SNX29: variants seen among roughly 807,000 people sequenced by gnomAD.
The protein encoded by SNX29 is sorting nexin 29.
Under a neutral mutation model 102.1 loss-of-function variants are expected in SNX29, and 78 were observed. The ratio of observed to expected loss-of-function variants is 0.76; its 90% CI spans 0.64 to 0.92. The LOEUF (loss-of-function observed/expected upper bound fraction) is 0.92. SNX29 is among the 40% of genes least tolerant of loss of function. SNX29 has a pLI of 0.00. For synonymous variants in SNX29, 580 were observed against 414.5 expected (o/e 1.40, Z -4.85); for missense variants, 1,280 against 1,061.7 (o/e 1.21, Z -2.86).
chr16:12,171,386 A>C (rs1306153533), intron 13 of SNX29, among the ~76,000 whole-genome samples: 18 of 152,086 alleles, frequency 1.2e-4, no homozygotes, highest in Non-Finnish European at 2.6e-4. Flanking sequence ...GATCATCCTG[A>C]GTCAGATAGC....
intron 18 of SNX29, chr16:12,442,898 C>T: frequency 2.4e-6 from 1 of 416,116 alleles, no homozygotes; most frequent in East Asian, 7.2e-5. Context: ...TGGCTGTGTT[C>T]AAAAAAAACT....
intron 18 of SNX29, among the ~76,000 whole-genome samples, chr16:12,440,800 A>G (rs2085765705): frequency 1.3e-5 from 2 of 152,306 alleles, no homozygotes; most frequent in South Asian, 4.1e-4. Flanking sequence ...ATAGTATTCC[A>G]TGGTGTATAT....
In SNX29 at chr16:12,125,605, C is replaced by CTTTTT. The variant is rs36212472; in HGVS notation, c.1403-996_1403-992dup. On this transcript the variant is annotated intron_variant, in intron 11 of 20. Transcript: ENST00000566228. ...AGGGGGGCTTGTGGCTGAGATCTCT[C>CTTTTT]TTTTTTTTTTTTTTTTTTTTTTTTT... is the stretch of plus-strand genomic sequence containing the variant. Among the ~76,000 whole-genome samples, 4 of 45,404 alleles carry CTTTTT rather than the reference C, an allele frequency of 8.8e-5. 1 individual carries two copies. The highest frequency in any genetic ancestry group is 7.7e-4 in the East Asian group (1 of 1,304). 29.8% of individuals were successfully genotyped at this position (45,404 alleles called of 152,430 possible).
intron 5 of SNX29, among the ~76,000 whole-genome samples, chr16:12,043,564 C>T (rs1309510009): frequency 2.6e-5 from 4 of 151,866 alleles, no homozygotes; most frequent in Non-Finnish European, 5.9e-5. Context: ...AGTGTGTTGC[C>T]CAGGCTGGTC....
chr16:12,136,889 G>A (rs556016354), intron 13 of SNX29, among the ~76,000 whole-genome samples: 5 of 152,178 alleles, frequency 3.3e-5, no homozygotes, highest in South Asian at 4.1e-4. Context: ...ACAGGTGCCC[G>A]CCATCACGCC....
intron 11 of SNX29, 37 bp downstream of exon 11, chr16:12,078,952 A>T: frequency 6.5e-7 from 1 of 1,547,352 alleles, no homozygotes; most frequent in Non-Finnish European, 8.8e-7. Context: ...CAGCTCTGGG[A>T]TGACTTCTGG....
intron 1 of SNX29, among the ~76,000 whole-genome samples, chr16:11,981,411 A>G (rs1048349963): frequency 1.4e-5 from 2 of 144,226 alleles, no homozygotes; most frequent in South Asian, 2.4e-4. Context: ...GGCTCTTTTC[A>G]CTTTCTTGGT....
chr16:12,559,322 C>CA (rs2078575666), intron 20 of SNX29, among the ~76,000 whole-genome samples: 1 of 151,832 alleles, frequency 6.6e-6, no homozygotes, highest in African/African-American at 2.4e-5. Context: ...GTGAACTGCC[C>CA]ATGTGAGGGA....
At chr16:12,215,001 T>C (rs1306215293) in intron 14 of SNX29, among the ~76,000 whole-genome samples, 1 of 152,212 alleles carries the variant, frequency 6.6e-6, no homozygotes, top group African/African-American at 2.4e-5. Flanking sequence ...AAACAGTGCC[T>C]GGTCCCTGGT....
chr16:12,026,423 G>A (rs1028101717), intron 3 of SNX29, among the ~76,000 whole-genome samples: 1 of 152,170 alleles, frequency 6.6e-6, no homozygotes, highest in Non-Finnish European at 1.5e-5. Context: ...CTAGAACAGT[G>A]CCTGGCATGT....
intron 14 of SNX29, among the ~76,000 whole-genome samples, chr16:12,239,202 T>C (rs1186851986): frequency 6.6e-6 from 1 of 152,164 alleles, no homozygotes; most frequent in Non-Finnish European, 1.5e-5. Flanking sequence ...CTGTCCTGGT[T>C]GTAGAGGTAG....
intron 1 of SNX29, among the ~76,000 whole-genome samples, chr16:11,995,928 T>C (rs1311493331): frequency 6.6e-6 from 1 of 151,898 alleles, no homozygotes; most frequent in Non-Finnish European, 1.5e-5. Flanking sequence ...GGCGTGGTGG[T>C]GCGTGCCTGT....
intron 16 of SNX29, among the ~76,000 whole-genome samples, chr16:12,369,477 G>A (rs1450631685): frequency 1.3e-5 from 2 of 152,142 alleles, no homozygotes; most frequent in Admixed American, 6.6e-5. Context: ...CATGGGAAAG[G>A]GGTTCCTGTG....
intron 18 of SNX29, among the ~76,000 whole-genome samples, chr16:12,409,087 A>G (rs558332087): frequency 6.6e-6 from 1 of 152,328 alleles, no homozygotes; most frequent in South Asian, 2.1e-4. Flanking sequence ...GGACAAAGTA[A>G]TATCTGGAGA....
intron 4 of SNX29, among the ~76,000 whole-genome samples, chr16:12,035,285 C>T (rs1256137408): frequency 2.7e-5 from 4 of 149,384 alleles, no homozygotes; most frequent in East Asian, 3.9e-4. Context: ...AATCATGGCT[C>T]TCTGCAGCCT....
intron 14 of SNX29, among the ~76,000 whole-genome samples, chr16:12,275,528 G>A (rs2079217124): frequency 6.6e-6 from 1 of 152,164 alleles, no homozygotes. Flanking sequence ...TGTGCTAACA[G>A]TTCATTAGCG....
At chr16:12,108,869 G>A (rs1344258528) in intron 11 of SNX29, among the ~76,000 whole-genome samples, 2 of 152,080 alleles carry the variant, frequency 1.3e-5, no homozygotes, top group Admixed American at 1.3e-4. Context: ...AGTGGCTCAC[G>A]CCTGTAATCC....
intron 13 of SNX29, among the ~76,000 whole-genome samples, chr16:12,177,576 C>G (rs1050166020): frequency 1.3e-5 from 2 of 152,174 alleles, no homozygotes; most frequent in African/African-American, 4.8e-5. Flanking sequence ...GTCTCAATGC[C>G]TGGTATATAA....
At chr16:12,376,625 A>T (rs2082882398) in intron 16 of SNX29, among the ~76,000 whole-genome samples, 1 of 150,808 alleles carries the variant, frequency 6.6e-6, no homozygotes. Flanking sequence ...AATCCCAGCT[A>T]CTCAGGAGGC....
Sources: gnomAD v4.1 joint callset for allele counts (sites outside exome capture counted in the v4.1 genomes callset) on GRCh38, gnomAD v4.1.1 for gene constraint, MANE v1.5 for transcripts, NCBI Gene and HGNC (gene_info 2026-07-23, HGNC 2026-07-21) for gene names.